CNTN5: variants seen among roughly 807,000 people sequenced by gnomAD.
CNTN5 encodes the protein contactin-5.
A neutral mutation model predicts 129.1 loss-of-function variants in CNTN5; 77 were observed. The ratio of observed to expected loss-of-function variants is 0.60; its 90% CI spans 0.50 to 0.72. The LOEUF is 0.72. Among genes scored for constraint, CNTN5 ranks in the 30% least tolerant of loss-of-function variants. CNTN5 has a pLI of 0.00. For synonymous variants in CNTN5, 509 were observed against 465.6 expected (o/e 1.09, Z -1.20); for missense variants, 1,478 against 1,328.8 (o/e 1.11, Z -1.75).
intron 1 of CNTN5, among the ~76,000 whole-genome samples, chr11:99,028,901 T>C (rs1454430409): frequency 6.6e-6 from 1 of 151,824 alleles, no homozygotes; most frequent in Non-Finnish European, 1.5e-5. Flanking sequence ...ATAGTAGTAA[T>C]AGTGGCAGAA....
intron 1 of CNTN5, among the ~76,000 whole-genome samples, chr11:99,241,183 A>G (rs1861531709): frequency 6.6e-6 from 1 of 152,152 alleles, no homozygotes; most frequent in Non-Finnish European, 1.5e-5. Context: ...ATCTCCATGC[A>G]TGCATCCTTA....
chr11:100,056,380 C>A (rs1251202645), intron 9 of CNTN5, among the ~76,000 whole-genome samples: 1 of 151,172 alleles, frequency 6.6e-6, no homozygotes, highest in African/African-American at 2.4e-5. Context: ...TTAAATCTAA[C>A]CATTTGCCAT....
At chr11:99,620,014 A>C (rs1950885289) in intron 3 of CNTN5, among the ~76,000 whole-genome samples, 1 of 150,576 alleles carries the variant, frequency 6.6e-6, no homozygotes, top group South Asian at 2.1e-4. Flanking sequence ...CGACAGAGCA[A>C]GACTCCGTCT....
At chr11:99,521,007 A>G (rs912340485) in intron 2 of CNTN5, among the ~76,000 whole-genome samples, 3 of 152,136 alleles carry the variant, frequency 2.0e-5, no homozygotes, top group African/African-American at 4.8e-5. Context: ...GATTAATTAT[A>G]TCCTTTAAAT....
intron 3 of CNTN5, among the ~76,000 whole-genome samples, chr11:99,724,116 T>G (rs1331596742): frequency 6.6e-6 from 1 of 152,178 alleles, no homozygotes; most frequent in Admixed American, 6.5e-5. Flanking sequence ...TGTCCCTAGC[T>G]GGTCCTGCAC....
chr11:99,714,493 T>C (rs1246495908), intron 3 of CNTN5, among the ~76,000 whole-genome samples: 1 of 151,970 alleles, frequency 6.6e-6, no homozygotes, highest in South Asian at 2.1e-4. Flanking sequence ...GTTTAACTTA[T>C]TTTTTGGATA....
chr11:100,245,971 T>A (rs1949832399), intron 16 of CNTN5, among the ~76,000 whole-genome samples: 1 of 152,162 alleles, frequency 6.6e-6, no homozygotes, highest in Non-Finnish European at 1.5e-5. Context: ...AAGTCATTAT[T>A]ATTTCAGTAT....
At chr11:100,284,849 T>C (rs762582568) in intron 18 of CNTN5, among the ~76,000 whole-genome samples, 6 of 152,242 alleles carry the variant, frequency 3.9e-5, no homozygotes, top group Non-Finnish European at 8.8e-5. Flanking sequence ...TATACATATA[T>C]GCTTATGTGT....
At chr11:100,186,333 C>T (rs553520088) in intron 13 of CNTN5, among the ~76,000 whole-genome samples, 1 of 152,250 alleles carries the variant, frequency 6.6e-6, no homozygotes, top group Admixed American at 6.5e-5. Context: ...CATGACTGTA[C>T]CACTGCATTC....
intron 1 of CNTN5, among the ~76,000 whole-genome samples, chr11:99,293,859 C>A (rs1053138455): frequency 7.2e-5 from 11 of 152,088 alleles, no homozygotes; most frequent in African/African-American, 2.2e-4. Flanking sequence ...CTTTAAAAAA[C>A]CAACTTTTTA....
intron 6 of CNTN5, among the ~76,000 whole-genome samples, chr11:99,846,357 CAAAAAAA>C (rs35705639): frequency 3.3e-5 from 2 of 61,422 alleles, no homozygotes; most frequent in Admixed American, 2.3e-4. Context: ...GGATCTGTCT[CAAAAAAA>C]AAAAAAAAAA....
At chr11:99,865,655 G>A (rs988881726) in intron 6 of CNTN5, among the ~76,000 whole-genome samples, 6 of 151,946 alleles carry the variant, frequency 3.9e-5, no homozygotes, top group Non-Finnish European at 8.8e-5. Flanking sequence ...AAGTGGCTGA[G>A]ATAAATTATA....
chr11:99,178,363 CACACAA>C (rs1857883562), intron 1 of CNTN5, among the ~76,000 whole-genome samples: 1 of 119,654 alleles, frequency 8.4e-6, no homozygotes, highest in African/African-American at 3.4e-5. Flanking sequence ...CACACACACA[CACACAA>C]AATTAGCCAG....
chr11:99,385,583 G>T (rs1197309913), intron 2 of CNTN5, among the ~76,000 whole-genome samples: 1 of 152,198 alleles, frequency 6.6e-6, no homozygotes, highest in East Asian at 1.9e-4. Flanking sequence ...ACATAGTAGA[G>T]AGAGAAAATT....
At chr11:99,657,587 T>A (rs1457012410) in intron 3 of CNTN5, among the ~76,000 whole-genome samples, 1 of 152,164 alleles carries the variant, frequency 6.6e-6, no homozygotes, top group Non-Finnish European at 1.5e-5. Flanking sequence ...TTTGTGTGTT[T>A]CATAGGAAGG....
At chr11:99,666,591 T>G (rs1011460640) in intron 3 of CNTN5, among the ~76,000 whole-genome samples, 1 of 152,208 alleles carries the variant, frequency 6.6e-6, no homozygotes, top group Non-Finnish European at 1.5e-5. Context: ...GAGAGAAGGA[T>G]GTTGACAAGC....
intron 6 of CNTN5, among the ~76,000 whole-genome samples, chr11:99,900,120 C>A (rs1444025143): frequency 6.6e-6 from 1 of 151,314 alleles, no homozygotes; most frequent in Non-Finnish European, 1.5e-5. Flanking sequence ...CTTAGCCCAA[C>A]TAGCGTTCTA....
intron 8 of CNTN5, among the ~76,000 whole-genome samples, chr11:99,985,338 G>T (rs1019218510): frequency 1.3e-5 from 2 of 152,098 alleles, no homozygotes; most frequent in African/African-American, 4.8e-5. Flanking sequence ...GACAGGACAG[G>T]CAGGCAGTCT....
chr11:99,957,025 C>T lies in CNTN5; in HGVS notation c.877+16C>T, dbSNP rs764046886. On this transcript the variant is annotated intron_variant, in intron 8 of 24. Coordinates refer to ENST00000524871, the MANE Select transcript of CNTN5 (RefSeq NM_014361.4). Reference sequence around the variant, plus strand: ...CGTAATGATGGTAAGTTGCTTGGCCCGTTAAAATGGTCAGCCAACTCTAAT... The same window carrying T: ...CGTAATGATGGTAAGTTGCTTGGCCTGTTAAAATGGTCAGCCAACTCTAAT... 11 of 1,606,206 alleles carry T rather than the reference C, an allele frequency of 6.8e-6. No individual in the cohort carries two copies. Among genetic ancestry groups the T allele is most frequent in the African/African-American group, 4.0e-5 (3 of 74,684 alleles).
Sources: gnomAD v4.1 joint callset for allele counts (sites outside exome capture counted in the v4.1 genomes callset) on GRCh38, gnomAD v4.1.1 for gene constraint, MANE v1.5 for transcripts, NCBI Gene and HGNC (gene_info 2026-07-23, HGNC 2026-07-21) for gene names.